The following CNKSR3 variants were observed in gnomAD, a reference collection of about 807,000 sequenced individuals.
CNKSR3 encodes connector enhancer of kinase suppressor of ras 3.
CNKSR3 carries 36 observed loss-of-function variants against 67.7 expected under a neutral mutation model. The observed-to-expected ratio is 0.53, with a 90% confidence interval of 0.41 to 0.70. CNKSR3 has a LOEUF of 0.70. CNKSR3 is among the 30% of genes least tolerant of loss of function. The pLI, the probability that CNKSR3 is intolerant of heterozygous loss-of-function variation, is 0.00. For synonymous variants in CNKSR3, 281 were observed against 271.4 expected (o/e 1.04, Z -0.35); for missense variants, 630 against 695.2 (o/e 0.91, Z 1.05).
chr6:154,418,264 C>T (rs1225815122), intron 9 of CNKSR3, among the ~76,000 whole-genome samples: 2 of 152,228 alleles, frequency 1.3e-5, no homozygotes, highest in African/African-American at 2.4e-5. Context: ...GGCATCCTTG[C>T]TGCCTCCCCG....
chr6:154,440,317 T>C (rs1038613959), intron 4 of CNKSR3, among the ~76,000 whole-genome samples: 4 of 152,222 alleles, frequency 2.6e-5, no homozygotes, highest in Non-Finnish European at 4.4e-5. Context: ...ATGTTCTTTA[T>C]GTTTTGCCAA....
rs1394428601 is a variant in CNKSR3 at position 154,390,122 on chromosome 6, G to A, written c.*16232C>T. The A allele has an allele frequency of 6.6e-6, 1 of 151,794 alleles. No homozygotes were observed. Among genetic ancestry groups the A allele is most frequent in the Non-Finnish European group, 1.5e-5 (1 of 67,962 alleles). The allele number at this position is 151,794 out of a possible 1,614,324, so 9.4% of individuals were successfully genotyped here. On this transcript the variant is annotated 3_prime_UTR_variant, in exon 13 of 13. Transcript: ENST00000607772. Reference sequence around the variant, plus strand: ...CCCATGTACCCATTATCCTAACCAAGAACTAGAATATTACTCATCAGTCAC... The same window carrying A: ...CCCATGTACCCATTATCCTAACCAAAAACTAGAATATTACTCATCAGTCAC...
At chr6:154,445,372 T>A (rs1161348582) in intron 2 of CNKSR3, among the ~76,000 whole-genome samples, 1 of 152,216 alleles carries the variant, frequency 6.6e-6, no homozygotes, top group Non-Finnish European at 1.5e-5. Context: ...TGGATTTGCA[T>A]CACAGCTTTT....
Position 154,397,050 on chromosome 6 carries a change from C to T in CNKSR3, c.*9304G>A, listed in dbSNP as rs1262841147. On this transcript the variant is annotated 3_prime_UTR_variant, in exon 13 of 13. Transcript: ENST00000607772. ...CTCGATCTCCTGACCTTGTGATCCA[C>T]CTGCCTCAGCCTCCCAAAGTGCTGG... 2 of 152,130 alleles carry T rather than the reference C, an allele frequency of 1.3e-5. No individual in the cohort carries two copies. The highest frequency in any genetic ancestry group is 2.9e-5 in the Non-Finnish European group (2 of 68,032). The allele number at this position is 152,130 out of a possible 1,614,324, so 9.4% of individuals were successfully genotyped here.
At chr6:154,407,994 T>C (rs1290088184) in intron 12 of CNKSR3, among the ~76,000 whole-genome samples, 1 of 151,308 alleles carries the variant, frequency 6.6e-6, no homozygotes, top group Non-Finnish European at 1.5e-5. Flanking sequence ...GTGTAGATAA[T>C]ATTCATTTTT....
chr6:154,442,058 A>AG, intron 3 of CNKSR3, 30 bp downstream of exon 3: 1 of 1,563,634 alleles, frequency 6.4e-7, no homozygotes, highest in Non-Finnish European at 8.7e-7. Context: ...CTACTCTTGC[A>AG]GGGCAGTAAA....
intron 1 of CNKSR3, among the ~76,000 whole-genome samples, chr6:154,472,030 A>G (rs1289633197): frequency 6.6e-6 from 1 of 152,204 alleles, no homozygotes; most frequent in Non-Finnish European, 1.5e-5. Context: ...TTCAACAAAA[A>G]CAACTTTCAG....
rs865956310 is a variant in CNKSR3 at position 154,467,740 on chromosome 6, A to T, written c.53-17482T>A. ...AAAGTATGTGGTTAGACCCATTATA[A>T]ATATATATATATATATCATTTTTGT... On this transcript the variant is annotated intron_variant, in intron 1 of 12. Coordinates refer to ENST00000607772, the MANE Select transcript of CNKSR3 (RefSeq NM_173515.4). Among the ~76,000 whole-genome samples the T allele has an allele frequency of 1.2e-3, 178 of 150,326 alleles. 1 individual carries two copies. Among genetic ancestry groups the T allele is most frequent in the African/African-American group, 4.2e-3 (173 of 40,974 alleles).
intron 1 of CNKSR3, among the ~76,000 whole-genome samples, chr6:154,468,625 T>C (rs1291739966): frequency 2.0e-5 from 3 of 152,162 alleles, no homozygotes; most frequent in African/African-American, 7.2e-5. Context: ...TCTTATTACC[T>C]GCAGTATCTT....
chr6:154,475,838 G>A (rs9478552), intron 1 of CNKSR3, among the ~76,000 whole-genome samples: 3,397 of 152,104 alleles, frequency 0.022, 136 homozygotes, highest in African/African-American at 0.077. Flanking sequence ...ACACGTGGTC[G>A]ACGACCAATA....
intron 1 of CNKSR3, chr6:154,478,368 C>G (rs1786497577): frequency 6.5e-6 from 1 of 153,064 alleles, no homozygotes; most frequent in African/African-American, 2.4e-5. Flanking sequence ...CTCCAAGGCT[C>G]CCCAGAAGCT....
intron 1 of CNKSR3, among the ~76,000 whole-genome samples, chr6:154,484,643 A>G (rs916429142): frequency 3.4e-5 from 5 of 147,548 alleles, no homozygotes; most frequent in Admixed American, 1.4e-4. Flanking sequence ...TGGAGGTTGC[A>G]GTGAGCTAAG....
intron 5 of CNKSR3, among the ~76,000 whole-genome samples, chr6:154,433,091 C>A (rs1785402442): frequency 6.6e-6 from 1 of 152,158 alleles, no homozygotes; most frequent in Non-Finnish European, 1.5e-5. Flanking sequence ...CACATCCCCC[C>A]TCCATCATAA....
intron 12 of CNKSR3, among the ~76,000 whole-genome samples, chr6:154,407,346 C>T (rs372961484): frequency 6.6e-6 from 1 of 152,106 alleles, no homozygotes. Context: ...GCCAGCAGAC[C>T]CCCTGGGATG....
At chr6:154,482,932 G>A (rs111514310) in intron 1 of CNKSR3, among the ~76,000 whole-genome samples, 2,056 of 152,264 alleles carry the variant, frequency 0.014, 61 homozygotes, top group African/African-American at 0.047. Context: ...TGTGATGACC[G>A]ATTTGCTCCA....
intron 1 of CNKSR3, among the ~76,000 whole-genome samples, chr6:154,503,270 AC>A (rs1014304947): frequency 3.3e-5 from 5 of 152,116 alleles, no homozygotes; most frequent in African/African-American, 1.2e-4. Context: ...AACCACAGTG[AC>A]CACTGACCAC....
chr6:154,410,475 T>C (rs1397206379), intron 11 of CNKSR3, 43 bp from the exon 12 acceptor site: 4 of 1,403,602 alleles, frequency 2.8e-6, no homozygotes, highest in Non-Finnish European at 4.0e-6. Context: ...TGATGAGTTC[T>C]GGAACTTTAG....
chr6:154,430,220 A>C (rs1282642758), intron 6 of CNKSR3, among the ~76,000 whole-genome samples: 1 of 152,196 alleles, frequency 6.6e-6, no homozygotes. Context: ...TGCATTGCTA[A>C]GTCCTAAAAA....
intron 2 of CNKSR3, among the ~76,000 whole-genome samples, chr6:154,447,076 T>C (rs1785722481): frequency 6.6e-6 from 1 of 152,172 alleles, no homozygotes; most frequent in African/African-American, 2.4e-5. Context: ...AGTGCTGAGA[T>C]TACAGGCGTG....
Sources: allele counts gnomAD v4.1 joint callset (sites outside exome capture counted in the v4.1 genomes callset), GRCh38; gene constraint gnomAD v4.1.1; transcripts MANE v1.5; gene names NCBI Gene and HGNC (gene_info 2026-07-23, HGNC 2026-07-21).